ZBTB49: variants seen among roughly 807,000 people sequenced by gnomAD.
ZBTB49 encodes the protein zinc finger and BTB domain-containing protein 49.
Under a neutral mutation model 57.5 loss-of-function variants are expected in ZBTB49, and 43 were observed. The observed-to-expected ratio is 0.75, with a 90% CI of 0.59 to 0.97. The LOEUF is 0.97. Ranked by LOEUF, ZBTB49 falls within the 50% of genes least tolerant of loss-of-function variation. The pLI, the probability that ZBTB49 is intolerant of heterozygous loss-of-function variation, is 0.00. For missense variants in ZBTB49, 938 were observed against 947.7 expected, an observed-to-expected ratio of 0.99 and a Z score of 0.13; for synonymous variants, 369 against 362.1, an observed-to-expected ratio of 1.02 and a Z score of -0.22.
Position 4,303,008 on chromosome 4 carries a change from C to T in ZBTB49, c.1172C>T (p.Ser391Phe), listed in dbSNP as rs759164787. 1.2e-6 allele frequency: 2 copies of T among 1,614,032 alleles called. No individual in the cohort carries two copies. Among genetic ancestry groups the T allele is most frequent in the African/African-American group, 1.3e-5 (1 of 74,924 alleles). ...GAAGACCAGTCCCAGACACTTCAGT[C>T]CCAGAGACAATACGCGTGTGAATTA... The part of the protein sequence containing the change: ...ALEDQSQTLQ[S>F]QRQYACELCG... Residue 391 changes from serine to phenylalanine, a missense_variant, in exon 3 of 8, where the codon TCC becomes TTC. Around this residue, in one of 3 missense-constraint regions of ZBTB49, gnomAD observed 835 missense variants for 819.1 expected, o/e 1.02. Transcript: ENST00000337872.
chr4:4,300,206 A>G (rs183991965), intron 2 of ZBTB49, 109 bp downstream of exon 2: 808 of 1,227,994 alleles, frequency 6.6e-4, no homozygotes, highest in Middle Eastern at 1.5e-3. Context: ...TTTATCTTTT[A>G]TAGCACATTG....
At chr4:4,304,174 C>CT (rs1720638914) in intron 3 of ZBTB49, among the ~76,000 whole-genome samples, 1 of 151,770 alleles carries the variant, frequency 6.6e-6, no homozygotes, top group Non-Finnish European at 1.5e-5. Flanking sequence ...CCTGAAAAAA[C>CT]TTTAGATGAT....
chr4:4,314,123 A>G lies in ZBTB49; in HGVS notation c.1376+1009A>G, dbSNP rs116549733. ...TTTCAGGAAAACCATTTCTCTGCCAATGGTAGAAAACAAACAAAAGCTGCG... is the reference window on the plus strand; with the variant it reads ...TTTCAGGAAAACCATTTCTCTGCCAGTGGTAGAAAACAAACAAAAGCTGCG... On this transcript the variant is annotated intron_variant, in intron 5 of 7. Transcript: ENST00000337872. Among the ~76,000 whole-genome samples the G allele has an allele frequency of 3.6e-3, 554 of 152,322 alleles. 2 individuals carry two copies. The highest frequency in any genetic ancestry group is 0.011 in the African/African-American group (458 of 41,574).
chr4:4,320,322 C>G (rs1721353648), intron 7 of ZBTB49, among the ~76,000 whole-genome samples: 1 of 152,182 alleles, frequency 6.6e-6, no homozygotes, highest in Admixed American at 6.5e-5. Flanking sequence ...GAATGGAAAG[C>G]CTTCCAGAGT....
chr4:4,318,533 G>A (rs915865265), intron 7 of ZBTB49, among the ~76,000 whole-genome samples: 10 of 152,102 alleles, frequency 6.6e-5, no homozygotes, highest in South Asian at 2.1e-4. Context: ...ACTTGAACCC[G>A]GGAGACGGAG....
intron 3 of ZBTB49, among the ~76,000 whole-genome samples, chr4:4,304,063 C>T (rs898232400): frequency 2.0e-5 from 3 of 151,928 alleles, no homozygotes; most frequent in Non-Finnish European, 4.4e-5. Context: ...ATTGTGAAGG[C>T]CCTTTATACA....
intron 4 of ZBTB49, among the ~76,000 whole-genome samples, chr4:4,307,627 C>T (rs906967118): frequency 3.3e-5 from 5 of 152,320 alleles, no homozygotes; most frequent in South Asian, 4.1e-4. Flanking sequence ...CATCCGCTTT[C>T]TCCTCTCCTG....
chr4:4,302,927 G>A lies in ZBTB49; in HGVS notation c.1091G>A (p.Cys364Tyr), dbSNP rs1250356891. 6.2e-7 allele frequency: 1 copy of A among 1,614,244 alleles called. No individual in the cohort carries two copies. The highest frequency in any genetic ancestry group is 2.2e-5 in the East Asian group (1 of 44,894). Residue 364 changes from cysteine (C) to tyrosine (Y), a missense_variant, in exon 3 of 8, where the codon TGT (cysteine) becomes TAT (tyrosine). Physicochemically the swap from Cys to Tyr is radical, Grantham distance 194 (BLOSUM62 -2). This residue lies in a region of ZBTB49 where 835 missense variants were observed against 819.1 expected (regional missense o/e 1.02). Transcript: ENST00000337872. ...AAAGAAAGTGAAGAAGTCGTCAGTTGTGAGAATTTTAATTGCATTAGTGAG... is the reference window on the plus strand; with the variant it reads ...AAAGAAAGTGAAGAAGTCGTCAGTTATGAGAATTTTAATTGCATTAGTGAG... ...EEKESEEVVS[C>Y]ENFNCISETE...
chr4:4,302,065 C>T lies in ZBTB49; in HGVS notation c.229C>T (p.Gln77Ter). Residue 77 changes from glutamine to a stop codon, truncating the protein, a stop_gained, in exon 3 of 8, where the codon CAG becomes TAG. Transcript: ENST00000337872. LOFTEE classifies it high-confidence loss of function. ...TGTTAAAAATGTCAGTGGCATAGGG[C>T]AGATCCTGGACTTCATGTACACTTC... ...LDVKNVSGIG[Q>*]ILDFMYTSHL... 6.2e-7 allele frequency: 1 copy of T among 1,612,694 alleles called. No individual in the cohort carries two copies. The highest frequency in any genetic ancestry group is 8.5e-7 in the Non-Finnish European group (1 of 1,179,016).
chr4:4,306,356 T>C, intron 4 of ZBTB49, among the ~76,000 whole-genome samples, 172 bp downstream of exon 4: 1 of 152,238 alleles, frequency 6.6e-6, no homozygotes, highest in East Asian at 1.9e-4. Context: ...GATTTCTAGT[T>C]CTTTGAGAGA....
intron 7 of ZBTB49, among the ~76,000 whole-genome samples, chr4:4,318,030 T>A (rs1482834751): frequency 6.6e-6 from 1 of 152,132 alleles, no homozygotes; most frequent in African/African-American, 2.4e-5. Flanking sequence ...AGGCCTGTAT[T>A]CAGGGGCCTG....
intron 5 of ZBTB49, among the ~76,000 whole-genome samples, chr4:4,314,314 G>A (rs1249223033): frequency 1.3e-5 from 2 of 152,232 alleles, no homozygotes; most frequent in South Asian, 2.1e-4. Flanking sequence ...GTTTTGCATG[G>A]TGTTTGAAAT....
rs148926395 is a variant in ZBTB49, at chr4:4,321,206, C to T, written c.2188C>T (p.Arg730Ter). 3.1e-6 allele frequency: 5 copies of T among 1,614,064 alleles called. No homozygotes were observed. Among genetic ancestry groups the T allele is most frequent in the African/African-American group, 1.3e-5 (1 of 74,920 alleles). ...DNHGGDPLGS[R>*]ASSTTYRNSE... is the part of the protein sequence containing the mutation. Reference sequence around the variant, plus strand: ...CCACGGCGGTGACCCCCTGGGCAGTCGAGCATCTTCCACCACTTATAGGAA... The same window carrying T: ...CCACGGCGGTGACCCCCTGGGCAGTTGAGCATCTTCCACCACTTATAGGAA... Residue 730 changes from arginine (R) to a stop codon, truncating the protein, a stop_gained, in exon 8 of 8, where the codon CGA (arginine) becomes TGA (stop). Coordinates refer to ENST00000337872, the MANE Select transcript of ZBTB49 (RefSeq NM_145291.4). LOFTEE classifies it high-confidence loss of function.
At chr4:4,316,402 A>C (rs1249655928) in intron 7 of ZBTB49, among the ~76,000 whole-genome samples, 1 of 152,190 alleles carries the variant, frequency 6.6e-6, no homozygotes, top group Non-Finnish European at 1.5e-5. Context: ...TGGGCACTTG[A>C]TGCTTCGTTT....
chr4:4,301,157 C>T (rs545507012), intron 2 of ZBTB49, among the ~76,000 whole-genome samples: 40 of 152,194 alleles, frequency 2.6e-4, no homozygotes, highest in African/African-American at 8.9e-4. Flanking sequence ...GGCTGTTTTG[C>T]GCTTAAAAAC....
chr4:4,315,537 G>A (rs1721153541), intron 5 of ZBTB49, 99 bp from the exon 6 acceptor site: 1 of 1,146,124 alleles, frequency 8.7e-7, no homozygotes, highest in South Asian at 1.4e-5. Context: ...TTCTGCAGCA[G>A]TGTCAGGAGC....
chr4:4,319,861 C>G (rs1383546392), intron 7 of ZBTB49, among the ~76,000 whole-genome samples: 2 of 150,346 alleles, frequency 1.3e-5, no homozygotes, highest in East Asian at 3.9e-4. Flanking sequence ...AGTTCAAGAC[C>G]AGCCTGGCCA....
At position 4,318,396 on chromosome 4, in the gene ZBTB49, A is replaced by G. The variant is rs187281303; in HGVS notation, c.1622-2244A>G. Among the ~76,000 whole-genome samples, 64 of 152,318 alleles carry G rather than the reference A, an allele frequency of 4.2e-4. 1 individual carries two copies. The highest frequency in any genetic ancestry group is 7.2e-4 in the Non-Finnish European group (49 of 68,026). ...TTTGGGAGGCCGAGGCAGGTGGATC[A>G]CTTGACGTCAGGAGTTTGAGACCAG... On this transcript the variant is annotated intron_variant, in intron 7 of 7. Transcript: ENST00000337872.
At chr4:4,310,712 G>A (rs547189346) in intron 4 of ZBTB49, among the ~76,000 whole-genome samples, 127 of 151,232 alleles carry the variant, frequency 8.4e-4, no homozygotes, top group African/African-American at 2.4e-3. Context: ...GTAGAGACGG[G>A]GTTTCACCAT....
Sources: gnomAD v4.1 joint callset for allele counts (sites outside exome capture counted in the v4.1 genomes callset) on GRCh38, gnomAD v4.1.1 for gene constraint, gnomAD v4.1.1 regional missense constraint, MANE v1.5 for transcripts, NCBI Gene and HGNC (gene_info 2026-07-23, HGNC 2026-07-21) for gene names.